The following VPS54 variants were observed in gnomAD, a reference collection of about 807,000 sequenced individuals.
The protein encoded by VPS54 is vacuolar protein sorting-associated protein 54.
A neutral mutation model predicts 121.5 loss-of-function variants in VPS54; 45 were observed. The observed-to-expected ratio is 0.37, with a 90% CI of 0.29 to 0.47. The LOEUF (loss-of-function observed/expected upper bound fraction) is 0.47. VPS54 is among the 20% of genes least tolerant of loss of function. VPS54 has a pLI of 0.99. For synonymous variants in VPS54, 371 were observed against 385.8 expected (o/e 0.96, Z 0.45); for missense variants, 1,090 against 1,131.4 (o/e 0.96, Z 0.52).
intron 1 of VPS54, among the ~76,000 whole-genome samples, chr2:64,006,210 C>G (rs1394741351): frequency 6.6e-6 from 1 of 152,138 alleles, no homozygotes. Context: ...AACGAATGAG[C>G]AAATGAATGA....
chr2:63,978,397 C>T (rs1290334359), intron 3 of VPS54, among the ~76,000 whole-genome samples: 1 of 152,158 alleles, frequency 6.6e-6, no homozygotes, highest in Non-Finnish European at 1.5e-5. Flanking sequence ...GATTTCAGTG[C>T]CTCTCAAATT....
chr2:63,924,685 A>G (rs1237540834), intron 12 of VPS54, among the ~76,000 whole-genome samples: 1 of 152,178 alleles, frequency 6.6e-6, no homozygotes, highest in Non-Finnish European at 1.5e-5. Flanking sequence ...AAGCTATCGT[A>G]ACTACAGTAA....
intron 12 of VPS54, among the ~76,000 whole-genome samples, chr2:63,924,683 G>A (rs76572748): frequency 0.012 from 1,784 of 152,134 alleles, 21 homozygotes; most frequent in Non-Finnish European, 0.017. Flanking sequence ...AAAAGCTATC[G>A]TAACTACAGT....
At chr2:63,908,623 T>C (rs952355400) in intron 20 of VPS54, among the ~76,000 whole-genome samples, 1 of 152,092 alleles carries the variant, frequency 6.6e-6, no homozygotes, top group Non-Finnish European at 1.5e-5. Flanking sequence ...TTCCACCATA[T>C]CTCCCACTCA....
intron 5 of VPS54, among the ~76,000 whole-genome samples, 157 bp downstream of exon 5, chr2:63,968,800 G>A (rs1022431166): frequency 6.7e-6 from 1 of 150,266 alleles, no homozygotes; most frequent in African/African-American, 2.5e-5. Context: ...AAAAAGAAAA[G>A]TGAGAAAGAA....
At chr2:63,983,006 A>G (rs1676867746) in intron 2 of VPS54, among the ~76,000 whole-genome samples, 1 of 152,140 alleles carries the variant, frequency 6.6e-6, no homozygotes, top group African/African-American at 2.4e-5. Context: ...CAAATACACA[A>G]TATGCAAATG....
At chr2:63,924,525 A>C (rs901958989) in intron 12 of VPS54, among the ~76,000 whole-genome samples, 1 of 152,190 alleles carries the variant, frequency 6.6e-6, no homozygotes, top group African/African-American at 2.4e-5. Context: ...AGATATTAAT[A>C]TGGATTAAAA....
Position 63,983,892 on chromosome 2 carries a change from C to T in VPS54, c.108G>A (p.Leu36=). The change falls in exon 2 of 23, where the codon CTG becomes CTA. Residue 36 remains leucine (L), a synonymous_variant. Transcript: ENST00000272322. ...PSKHIRPVPS[L]PDVCPKEPTG... ...TGGGTTCCTTGGGACACACATCTGG[C>T]AGTGATGGCACAGGTCGAATGTGTT... 2 of 1,610,764 alleles carry T rather than the reference C, an allele frequency of 1.2e-6. No individual in the cohort carries two copies. The highest frequency in any genetic ancestry group is 8.5e-7 in the Non-Finnish European group (1 of 1,178,646).
rs1674318652 is a variant in VPS54 at position 63,933,677 on chromosome 2, T to C, written c.1735A>G (p.Ile579Val). Residue 579 changes from isoleucine (I) to valine (V), a missense_variant, in exon 12 of 23, where the codon ATT becomes GTT. Ile to Val is a conservative substitution (Grantham distance 29, BLOSUM62 3). Transcript: ENST00000272322. ...SSSAIPGGVD[I>V]MVSEDMKLTD... is the part of the protein sequence containing the mutation. ...GGCAGTAGCCACTATACTCACATAA[T>C]ATCCACACCTCCTGGAATAGCAGAT... 5.6e-6 allele frequency: 9 copies of C among 1,610,326 alleles called. No homozygotes were observed. In the African/African-American group the frequency reaches 1.1e-4, roughly 19 times the overall value.
At chr2:63,944,323 GCTCTCT>G (rs1293964811) in intron 10 of VPS54, among the ~76,000 whole-genome samples, 2,308 of 152,158 alleles carry the variant, frequency 0.015, 53 homozygotes, top group African/African-American at 0.053. Context: ...TACTCCTCTA[GCTCTCT>G]AGTAAAGGTA....
rs2104555451 is a variant in VPS54, at chr2:63,959,834, A to C, written c.1010+2224T>G. 1.3e-5 allele frequency among the ~76,000 whole-genome samples: 2 copies of C among 152,212 alleles called. 1 individual carries two copies. Among genetic ancestry groups the C allele is most frequent in the South Asian group, 4.2e-4 (2 of 4,818 alleles). ...TCAGGAGTTCGAGACCAGCCTGGCC[A>C]ATATGGTGAAAACCTGTCTCTACTA... On this transcript the variant is annotated intron_variant, in intron 7 of 22. Transcript: ENST00000272322.
chr2:63,957,867 C>T (rs1156422692), intron 7 of VPS54, among the ~76,000 whole-genome samples: 1 of 152,156 alleles, frequency 6.6e-6, no homozygotes, highest in African/African-American at 2.4e-5. Context: ...CAAAAAAATA[C>T]ACATGCTCAA....
At chr2:63,918,581 T>A (rs1176720326) in intron 15 of VPS54, among the ~76,000 whole-genome samples, 1 of 152,026 alleles carries the variant, frequency 6.6e-6, no homozygotes. Flanking sequence ...CACTATTACC[T>A]ATTAAAAACT....
intron 20 of VPS54, among the ~76,000 whole-genome samples, chr2:63,910,501 T>A (rs1167228826): frequency 6.6e-6 from 1 of 152,190 alleles, no homozygotes; most frequent in Admixed American, 6.5e-5. Flanking sequence ...AAGTTTCAAA[T>A]AGGAGAATAA....
At chr2:63,907,878 C>T (rs1672973167) in intron 20 of VPS54, among the ~76,000 whole-genome samples, 1 of 152,158 alleles carries the variant, frequency 6.6e-6, no homozygotes, top group Non-Finnish European at 1.5e-5. Flanking sequence ...TCACTCCATA[C>T]ACACCTACAA....
At position 63,983,919 on chromosome 2, in the gene VPS54, T is replaced by C. The variant is rs773124858; in HGVS notation, c.81A>G (p.Ser27=). The change falls in exon 2 of 23, where the codon TCA becomes TCG. Residue 27 remains serine, a synonymous_variant. Coordinates refer to ENST00000272322, the MANE Select transcript of VPS54 (RefSeq NM_016516.3). ...DVFFKIEVDP[S]KHIRPVPSLP... is the part of the protein sequence containing the mutation. The stretch of plus-strand genomic sequence containing the variant: ...GTGATGGCACAGGTCGAATGTGTTT[T>C]GACGGATCTACCTCTATTTTAAAGA... The C allele has an allele frequency of 1.9e-5, 31 of 1,613,812 alleles. No individual in the cohort carries two copies. Among genetic ancestry groups the C allele is most frequent in the East Asian group, 2.2e-5 (1 of 44,896 alleles).
rs537733930 is a variant in VPS54, at chr2:63,958,939, C to T, written c.1010+3119G>A. On this transcript the variant is annotated intron_variant, in intron 7 of 22. Transcript: ENST00000272322. Reference sequence around the variant, plus strand: ...GACTCTGATATAAAAAAGACAAAAACGTGTGAAATTCAAGTAGAATATTTC... The same window carrying T: ...GACTCTGATATAAAAAAGACAAAAATGTGTGAAATTCAAGTAGAATATTTC... 3.9e-5 allele frequency among the ~76,000 whole-genome samples: 6 copies of T among 152,116 alleles called. No homozygotes were observed. The South Asian group carries it at 1.2e-3, about 32-fold the overall frequency.
chr2:63,942,566 A>G lies in VPS54; in HGVS notation c.1302-5T>C. On this transcript the variant is annotated splice_region_variant and splice_polypyrimidine_tract_variant and intron_variant, in intron 10 of 22. Transcript: ENST00000272322. ...ATTCTCATCTGATCTGCAAGCCTAGAAAAAAATAATTCAAACAAAAATAAT... is the reference window on the plus strand; with the variant it reads ...ATTCTCATCTGATCTGCAAGCCTAGGAAAAAATAATTCAAACAAAAATAAT... The G allele has an allele frequency of 1.9e-6, 3 of 1,571,874 alleles. No individual in the cohort carries two copies. The highest frequency in any genetic ancestry group is 2.6e-6 in the Non-Finnish European group (3 of 1,156,618).
At chr2:63,896,484 CAAAT>C (rs910887655) in intron 22 of VPS54, among the ~76,000 whole-genome samples, 6 of 152,022 alleles carry the variant, frequency 3.9e-5, no homozygotes, top group South Asian at 2.1e-4. Context: ...TTTTTGAAAA[CAAAT>C]AATTCTTTAA....
Sources: allele counts gnomAD v4.1 joint callset (sites outside exome capture counted in the v4.1 genomes callset), GRCh38; gene constraint gnomAD v4.1.1; transcripts MANE v1.5; gene names NCBI Gene and HGNC (gene_info 2026-07-23, HGNC 2026-07-21).